Variants in AKT3 observed in about 807,000 individuals in gnomAD.
AKT3 encodes AKT serine/threonine kinase 3, also known as RAC-gamma serine/threonine-protein kinase.
AKT3 carries 15 observed loss-of-function variants against 65.3 expected under a neutral mutation model. That is an observed-to-expected ratio of 0.23 (90% CI 0.15 to 0.35). The LOEUF is 0.35. AKT3 is among the 10% of genes least tolerant of loss of function. The pLI is 1.00. For missense variants in AKT3, 243 were observed against 576.5 expected (o/e 0.42, Z 5.92); for synonymous variants, 206 against 183.8 (o/e 1.12, Z -0.98).
At chr1:243,834,446 G>T (rs1388576836) in intron 2 of AKT3, among the ~76,000 whole-genome samples, 1 of 152,144 alleles carries the variant, frequency 6.6e-6, no homozygotes, top group Non-Finnish European at 1.5e-5. Flanking sequence ...TAAATGGGAG[G>T]TAAACACTGA....
intron 8 of AKT3, among the ~76,000 whole-genome samples, chr1:243,595,507 T>C (rs929882112): frequency 1.3e-4 from 20 of 152,232 alleles, no homozygotes; most frequent in Non-Finnish European, 1.8e-4. Flanking sequence ...TTAAAATTTT[T>C]AAAAACGCCT....
intron 2 of AKT3, among the ~76,000 whole-genome samples, chr1:243,792,176 C>T (rs1295570392): frequency 6.6e-6 from 1 of 152,120 alleles, no homozygotes; most frequent in Non-Finnish European, 1.5e-5. Context: ...TATACAAACA[C>T]CTTGGTTATT....
intron 5 of AKT3, among the ~76,000 whole-genome samples, chr1:243,645,035 G>A (rs1680700736): frequency 6.6e-6 from 1 of 152,108 alleles, no homozygotes; most frequent in Non-Finnish European, 1.5e-5. Context: ...TTAACTTTAT[G>A]TTGTGAGTGT....
At chr1:243,785,025 G>A (rs562979668) in intron 2 of AKT3, among the ~76,000 whole-genome samples, 6 of 150,884 alleles carry the variant, frequency 4.0e-5, no homozygotes, top group South Asian at 2.1e-4. Context: ...AGCCTCCCCC[G>A]TAGCTGGGAT....
intron 3 of AKT3, among the ~76,000 whole-genome samples, chr1:243,688,606 G>A (rs189470211): frequency 2.0e-5 from 3 of 152,276 alleles, no homozygotes; most frequent in Admixed American, 2.0e-4. Flanking sequence ...ACTGAGCTAG[G>A]ATGGTAGCAG....
intron 2 of AKT3, among the ~76,000 whole-genome samples, chr1:243,809,230 G>C (rs1199662963): frequency 6.6e-6 from 1 of 152,152 alleles, no homozygotes; most frequent in African/African-American, 2.4e-5. Flanking sequence ...AAAAGACACA[G>C]ACTGGCAAAT....
At chr1:243,595,831 A>AT (rs561116731) in intron 8 of AKT3, among the ~76,000 whole-genome samples, 34 of 151,574 alleles carry the variant, frequency 2.2e-4, no homozygotes, top group Admixed American at 5.3e-4. Context: ...ACAGTTACCT[A>AT]TTTTTTTTTA....
intron 3 of AKT3, among the ~76,000 whole-genome samples, chr1:243,694,515 T>C (rs1359837745): frequency 6.6e-6 from 1 of 151,804 alleles, no homozygotes; most frequent in Non-Finnish European, 1.5e-5. Context: ...TCCACTAATA[T>C]AAACAGAGAA....
intron 2 of AKT3, among the ~76,000 whole-genome samples, chr1:243,710,697 C>A (rs1686091699): frequency 6.6e-6 from 1 of 152,186 alleles, no homozygotes; most frequent in Non-Finnish European, 1.5e-5. Context: ...ATTAATCATA[C>A]TTTTAGGTTT....
At chr1:243,505,705 C>G (rs1387909023) in intron 13 of AKT3, among the ~76,000 whole-genome samples, 1 of 146,334 alleles carries the variant, frequency 6.8e-6, no homozygotes, top group Non-Finnish European at 1.5e-5. Flanking sequence ...CCACAGCATC[C>G]AAAGTCTGTA....
rs563140685 is a variant in AKT3 at position 243,777,851 on chromosome 1, T to G, written c.46+65274A>C. On this transcript the variant is annotated intron_variant, in intron 2 of 13. Coordinates refer to ENST00000673466, the MANE Select transcript of AKT3 (RefSeq NM_005465.7). The stretch of plus-strand genomic sequence containing the variant: ...ATCCTACTTCACCCACAAGATAATA[T>G]TCAAATTCAAATTCCTTAGACTGGA... Among the ~76,000 whole-genome samples, 4 of 152,266 alleles carry G rather than the reference T, an allele frequency of 2.6e-5. No individual in the cohort carries two copies. In the South Asian group the frequency reaches 8.3e-4, roughly 32 times the overall value.
At chr1:243,587,286 G>T (rs1281024908) in intron 8 of AKT3, among the ~76,000 whole-genome samples, 1 of 152,090 alleles carries the variant, frequency 6.6e-6, no homozygotes, top group Non-Finnish European at 1.5e-5. Flanking sequence ...TTTAAAGTTC[G>T]GTAGTTGCTC....
At chr1:243,714,509 C>T (rs973217895) in intron 2 of AKT3, among the ~76,000 whole-genome samples, 1 of 152,110 alleles carries the variant, frequency 6.6e-6, no homozygotes, top group African/African-American at 2.4e-5. Context: ...AGAAAGATCA[C>T]CTGGTTTAAT....
intron 5 of AKT3, among the ~76,000 whole-genome samples, chr1:243,640,144 G>A (rs1020868357): frequency 1.3e-5 from 2 of 152,078 alleles, no homozygotes; most frequent in Admixed American, 6.5e-5. Flanking sequence ...GAGATAGCAG[G>A]GAAAATAATA....
chr1:243,570,648 A>G (rs941903743), intron 9 of AKT3, among the ~76,000 whole-genome samples: 1 of 152,220 alleles, frequency 6.6e-6, no homozygotes, highest in Non-Finnish European at 1.5e-5. Flanking sequence ...GACCAGCTCA[A>G]AATTTCTGTG....
chr1:243,822,103 A>G (rs1294405068), intron 2 of AKT3, among the ~76,000 whole-genome samples: 1 of 152,244 alleles, frequency 6.6e-6, no homozygotes, highest in Non-Finnish European at 1.5e-5. Context: ...CAATCAAATC[A>G]GAACTCAAGA....
At chr1:243,696,264 C>CTTAA (rs145578987) in intron 2 of AKT3, among the ~76,000 whole-genome samples, 1 of 151,758 alleles carries the variant, frequency 6.6e-6, no homozygotes, top group African/African-American at 2.4e-5. Flanking sequence ...CAATGCTGTA[C>CTTAA]TTAAGAAAAC....
intron 2 of AKT3, among the ~76,000 whole-genome samples, chr1:243,823,307 C>G (rs1360305908): frequency 1.3e-5 from 2 of 152,128 alleles, no homozygotes; most frequent in African/African-American, 2.4e-5. Context: ...GATAAAATCA[C>G]AGCCAGTATC....
chr1:243,809,238 A>C (rs1307931317), intron 2 of AKT3, among the ~76,000 whole-genome samples: 4 of 152,238 alleles, frequency 2.6e-5, no homozygotes, highest in African/African-American at 7.2e-5. Context: ...CAGACTGGCA[A>C]ATTGGATAAA....
Sources: gnomAD v4.1 joint callset for allele counts (sites outside exome capture counted in the v4.1 genomes callset) on GRCh38, gnomAD v4.1.1 for gene constraint, MANE v1.5 for transcripts, NCBI Gene and HGNC (gene_info 2026-07-23, HGNC 2026-07-21) for gene names.